The following PRPF31 variants were observed in gnomAD, a reference collection of about 807,000 sequenced individuals.
PRPF31 encodes pre-mRNA processing factor 31, also known as U4/U6 small nuclear ribonucleoprotein Prp31.
In PRPF31, 12 loss-of-function variants were observed where a neutral mutation model predicts 60.4. The ratio of observed to expected loss-of-function variants is 0.20; its 90% CI spans 0.13 to 0.32. PRPF31 has a LOEUF of 0.32. Among genes scored for constraint, PRPF31 ranks in the 10% least tolerant of loss-of-function variants. The pLI is 1.00. For missense variants in PRPF31, 431 were observed against 687.1 expected, an observed-to-expected ratio of 0.63 and a Z score of 4.17; for synonymous variants, 287 against 287.9, an observed-to-expected ratio of 1.00 and a Z score of 0.03.
intron 3 of PRPF31, 59 bp from the exon 4 acceptor site, chr19:54,121,801 G>C: frequency 6.6e-7 from 1 of 1,507,240 alleles, no homozygotes; most frequent in South Asian, 1.2e-5. Context: ...CTCCAGCTGC[G>C]GGACCCGAGA....
intron 8 of PRPF31, 99 bp downstream of exon 8, chr19:54,124,755 G>A (rs1240709646): frequency 1.1e-5 from 15 of 1,404,034 alleles, no homozygotes; most frequent in Admixed American, 6.8e-5. Context: ...CCCAGCTGAC[G>A]GTAGCACTCA....
chr19:54,117,858 A>G (rs1359983198), intron 1 of PRPF31, among the ~76,000 whole-genome samples: 1 of 152,112 alleles, frequency 6.6e-6, no homozygotes, highest in African/African-American at 2.4e-5. Flanking sequence ...TCTTTAAAAA[A>G]TAAATAAATA....
Position 54,126,634 on chromosome 19 carries a change from G to A in PRPF31, c.945+17G>A. 5.6e-6 allele frequency: 9 copies of A among 1,610,926 alleles called. No individual in the cohort carries two copies. Among genetic ancestry groups the A allele is most frequent in the Non-Finnish European group, 7.6e-6 (9 of 1,178,342 alleles). ...GAAGGGAAGGTGAGGAGGGAAAGGT[G>A]AGGGGCGGCCGGGCGTCTTTTCCTC... On this transcript the variant is annotated intron_variant, in intron 9 of 13. Transcript: ENST00000321030.
intron 1 of PRPF31, among the ~76,000 whole-genome samples, chr19:54,117,683 C>CAAA (rs57949221): frequency 1.6e-4 from 13 of 80,462 alleles, no homozygotes; most frequent in East Asian, 4.0e-4. Context: ...CTTGACTCTA[C>CAAA]AAAAAAAAAA....
At chr19:54,116,241 G>A (rs1373286109) in intron 1 of PRPF31, among the ~76,000 whole-genome samples, 1 of 149,618 alleles carries the variant, frequency 6.7e-6, no homozygotes, top group Non-Finnish European at 1.5e-5. Context: ...TTTCGCTCTT[G>A]TTGCCCAGGC....
At chr19:54,123,972 T>C in intron 7 of PRPF31, 54 bp downstream of exon 7, 1 of 1,607,556 alleles carries the variant, frequency 6.2e-7, no homozygotes, top group Non-Finnish European at 8.5e-7. Context: ...ACTGTGACCT[T>C]GGGAAAGCTA....
intron 1 of PRPF31, among the ~76,000 whole-genome samples, chr19:54,117,771 A>C (rs2073686262): frequency 6.6e-6 from 1 of 151,938 alleles, no homozygotes; most frequent in South Asian, 2.1e-4. Context: ...GAATCGCTTG[A>C]ACCCAGGAGG....
At chr19:54,115,894 T>A (rs2073619062) in intron 1 of PRPF31, 97 bp downstream of exon 1, 2 of 183,004 alleles carry the variant, frequency 1.1e-5, no homozygotes, top group African/African-American at 2.4e-5. Context: ...CAGCTTGGTT[T>A]TTGTTTTTTT....
At chr19:54,123,074 A>C (rs1476994934) in intron 5 of PRPF31, 1 of 463,764 alleles carries the variant, frequency 2.2e-6, no homozygotes, top group Non-Finnish European at 4.0e-6. Context: ...GAGGGCGGGG[A>C]GAGGAGGAGG....
intron 9 of PRPF31, among the ~76,000 whole-genome samples, chr19:54,127,674 G>A (rs1282537984): frequency 6.6e-6 from 1 of 152,152 alleles, no homozygotes; most frequent in African/African-American, 2.4e-5. Context: ...GATGTACTCG[G>A]GAGAGGAGAC....
chr19:54,131,433 ATGAC>A lies in PRPF31; in HGVS notation c.*4_*7del, dbSNP rs1568603369. 3 of 1,614,052 alleles carry A rather than the reference ATGAC, an allele frequency of 1.9e-6. No homozygotes were observed. Among genetic ancestry groups the A allele is most frequent in the Non-Finnish European group, 8.5e-7 (1 of 1,180,006 alleles). ...GAAGAGTGGCCTTATGTCCACCTGA[ATGAC>A]TGCGTGTGTCCAAGGTGGCTTCCCA... is the stretch of plus-strand genomic sequence containing the variant. On this transcript the variant is annotated 3_prime_UTR_variant, in exon 14 of 14. Transcript: ENST00000321030.
intron 9 of PRPF31, among the ~76,000 whole-genome samples, chr19:54,127,698 T>G (rs1359802939): frequency 6.6e-6 from 1 of 152,216 alleles, no homozygotes; most frequent in Non-Finnish European, 1.5e-5. Flanking sequence ...TTCTGTCTTG[T>G]GAACTGTCGT....
chr19:54,118,539 T>C (rs995583520), intron 2 of PRPF31, 34 bp from the exon 3 acceptor site: 1 of 1,613,674 alleles, frequency 6.2e-7, no homozygotes, highest in Non-Finnish European at 8.5e-7. Context: ...TTTTGAAGAG[T>C]GCTGGATTCT....
At chr19:54,130,850 G>A (rs2074033831) in intron 13 of PRPF31, among the ~76,000 whole-genome samples, 1 of 152,176 alleles carries the variant, frequency 6.6e-6, no homozygotes, top group East Asian at 1.9e-4. Context: ...AGAGCCCAAT[G>A]ACTGGGTCCT....
intron 1 of PRPF31, among the ~76,000 whole-genome samples, chr19:54,117,119 A>T (rs1189231932): frequency 6.6e-6 from 1 of 152,074 alleles, no homozygotes; most frequent in Non-Finnish European, 1.5e-5. Context: ...AAAAGAAAAA[A>T]CAAAGTGAAG....
intron 13 of PRPF31, among the ~76,000 whole-genome samples, chr19:54,129,724 C>T (rs587627690): frequency 6.8e-6 from 1 of 148,060 alleles, no homozygotes; most frequent in African/African-American, 2.5e-5. Context: ...GGACCCCACT[C>T]GAGAAAGTTC....
chr19:54,129,104 C>T lies in PRPF31; in HGVS notation c.1194C>T (p.His398=), dbSNP rs1466127494. 2 of 1,581,804 alleles carry T rather than the reference C, an allele frequency of 1.3e-6. No individual in the cohort carries two copies. The highest frequency in any genetic ancestry group is 1.7e-6 in the Non-Finnish European group (2 of 1,165,028). The change falls in exon 12 of 14, where the codon CAC becomes CAT. Residue 398 remains histidine (H), a synonymous_variant. Transcript: ENST00000321030. ...YQEDLGFSLG[H]LGKSGSGRVR... ...AGGACCTGGGATTCAGCCTGGGCCACCTGGGCAAGTCGGGCAGTGGGCGTG... is the reference window on the plus strand; with the variant it reads ...AGGACCTGGGATTCAGCCTGGGCCATCTGGGCAAGTCGGGCAGTGGGCGTG...
chr19:54,122,733 G>T (rs1261951281), intron 5 of PRPF31, 139 bp downstream of exon 5: 2 of 765,368 alleles, frequency 2.6e-6, no homozygotes, highest in Admixed American at 1.9e-5. Context: ...GCTCTGCCCA[G>T]CGTGGGAGGG....
At chr19:54,122,776 C>T (rs2073824843) in intron 5 of PRPF31, 182 bp downstream of exon 5, 2 of 676,368 alleles carry the variant, frequency 3.0e-6, no homozygotes, top group Non-Finnish European at 2.7e-6. Flanking sequence ...TCAGGGCTCC[C>T]CTCCAACCCC....
Sources: allele counts gnomAD v4.1 joint callset (sites outside exome capture counted in the v4.1 genomes callset), GRCh38; gene constraint gnomAD v4.1.1; transcripts MANE v1.5; gene names NCBI Gene and HGNC (gene_info 2026-07-23, HGNC 2026-07-21).